TSC2: variants seen among roughly 807,000 people sequenced by gnomAD.
The protein encoded by TSC2 is tuberin.
TSC2 carries 29 observed loss-of-function variants against 202.2 expected under a neutral mutation model. The observed-to-expected ratio is 0.14, with a 90% CI of 0.11 to 0.20. The LOEUF (loss-of-function observed/expected upper bound fraction) is 0.20, where lower values mean the gene tolerates loss of function less well. Among genes scored for constraint, TSC2 ranks in the 10% least tolerant of loss-of-function variants. The pLI is 1.00. For missense variants in TSC2, 2,429 were observed against 2,420.0 expected (o/e 1.00, Z -0.08); for synonymous variants, 1,349 against 1,044.0 (o/e 1.29, Z -5.63).
intron 38 of TSC2, 30 bp downstream of exon 38, chr16:2,086,901 C>CCCCA (rs1567125136): frequency 6.4e-7 from 1 of 1,559,034 alleles, no homozygotes; most frequent in South Asian, 1.2e-5. Flanking sequence ...TGAGGCTGGG[C>CCCCA]CCCAGGCAGG....
intron 30 of TSC2, 175 bp from the exon 31 acceptor site, chr16:2,081,420 G>C: frequency 1.2e-6 from 1 of 807,776 alleles, no homozygotes; most frequent in Non-Finnish European, 2.1e-6. Flanking sequence ...GGGGCTGAGC[G>C]GGGCAGCAGG....
At chr16:2,061,471 C>A in intron 11 of TSC2, 1 of 354,068 alleles carries the variant, frequency 2.8e-6, no homozygotes, top group East Asian at 7.0e-5. Context: ...GAGGCTGGAC[C>A]TGGGAGAGGC....
At chr16:2,078,813 C>T (rs371356849) in intron 26 of TSC2, 8 of 625,932 alleles carry the variant, frequency 1.3e-5, no homozygotes, top group African/African-American at 1.1e-4. Context: ...CTGCTCCGAC[C>T]AGTAGGCCTG....
chr16:2,048,272 G>T, intron 1 of TSC2: 1 of 1,216,826 alleles, frequency 8.2e-7, no homozygotes, highest in Non-Finnish European at 1.2e-6. Flanking sequence ...TGCTTCACAT[G>T]GGTAGAGGAG....
At chr16:2,061,695 C>A in intron 11 of TSC2, 176 bp from the exon 12 acceptor site, 1 of 1,063,536 alleles carries the variant, frequency 9.4e-7, no homozygotes, top group Non-Finnish European at 1.4e-6. Flanking sequence ...GGGGGTGTCT[C>A]AACCCATGAG....
chr16:2,054,587 A>C (rs1199201975), intron 5 of TSC2, 147 bp downstream of exon 5: 2 of 1,252,440 alleles, frequency 1.6e-6, no homozygotes, highest in Non-Finnish European at 2.3e-6. Context: ...ACCTGGGCTC[A>C]CCTGCGTGGC....
chr16:2,077,858 C>T (rs1045629615), intron 26 of TSC2, 132 bp downstream of exon 26: 41 of 1,486,044 alleles, frequency 2.8e-5, no homozygotes, highest in African/African-American at 4.2e-5. Flanking sequence ...CAGGGGGAGC[C>T]GGTGACGAGG....
Position 2,080,775 on chromosome 16 carries a change from C to T in TSC2, c.3610+398C>T, listed in dbSNP as rs144667536. The stretch of plus-strand genomic sequence containing the variant: ...CTGGGATTACAGGCGTGAGCCACCG[C>T]GCCCAGCCATTTGGGGGTAACTTGT... On this transcript the variant is annotated intron_variant, in intron 30 of 41. Coordinates refer to ENST00000219476, the MANE Select transcript of TSC2 (RefSeq NM_000548.5). The T allele has an allele frequency of 6.7e-3, 1,527 of 227,550 alleles. 35 individuals carry two copies. Among genetic ancestry groups the T allele is most frequent in the East Asian group, 0.016 (149 of 9,158 alleles). The allele number at this position is 227,550 out of a possible 1,614,324, so 14.1% of individuals were successfully genotyped here.
chr16:2,071,228 C>T (rs1025395680), intron 17 of TSC2, among the ~76,000 whole-genome samples: 3 of 152,182 alleles, frequency 2.0e-5, no homozygotes, highest in Non-Finnish European at 2.9e-5. Flanking sequence ...GCCAGAGGAG[C>T]GAGGCGCCCA....
In TSC2 at chr16:2,072,484, C is replaced by T. The variant is rs577759646; in HGVS notation, c.2220+121C>T. ...GCTCGGGCTCCATTTCCCTCAAACT[C>T]AGCTGCACTCTGGAGCGCAGATTGT... On this transcript the variant is annotated intron_variant, in intron 20 of 41. Coordinates refer to ENST00000219476, the MANE Select transcript of TSC2 (RefSeq NM_000548.5). 1.4e-4 allele frequency: 210 copies of T among 1,463,596 alleles called. No individual in the cohort carries two copies. In the African/African-American group the frequency reaches 2.6e-3, roughly 18 times the overall value. The allele number at this position is 1,463,596 out of a possible 1,614,324, so 90.7% of individuals were successfully genotyped here.
At position 2,070,670 on chromosome 16, in the gene TSC2, G is replaced by T; in HGVS notation, c.1839+92G>T. The T allele has an allele frequency of 1.1e-5, 18 of 1,585,700 alleles. No individual in the cohort carries two copies. In the South Asian group the frequency reaches 1.8e-4, roughly 16 times the overall value. Reference sequence around the variant, plus strand: ...GTGGTTCCTGGAAGCTGCAGAGACGGCCCCAGGATGGGGCCTCAGCTGACC... The same window carrying T: ...GTGGTTCCTGGAAGCTGCAGAGACGTCCCCAGGATGGGGCCTCAGCTGACC... On this transcript the variant is annotated intron_variant, in intron 17 of 41. Coordinates refer to ENST00000219476, the MANE Select transcript of TSC2 (RefSeq NM_000548.5).
At chr16:2,052,256 TTGTCTG>T (rs2085226567) in intron 3 of TSC2, among the ~76,000 whole-genome samples, 1 of 118,030 alleles carries the variant, frequency 8.5e-6, no homozygotes. Context: ...AGAGTGCCAG[TTGTCTG>T]AATTGGTTGG....
chr16:2,086,138 G>A (rs1000386933), intron 36 of TSC2, 55 bp from the exon 37 acceptor site: 15 of 1,605,534 alleles, frequency 9.3e-6, no homozygotes, highest in East Asian at 2.2e-5. Context: ...CACCCTCTGC[G>A]GGGCAGGGCC....
At chr16:2,077,372 T>C in intron 25 of TSC2, 2 of 640,004 alleles carry the variant, frequency 3.1e-6, no homozygotes, top group Non-Finnish European at 5.6e-6. Context: ...AAGCCTTACT[T>C]GTTCTCAGTC....
chr16:2,067,284 C>T (rs534575993), intron 16 of TSC2, among the ~76,000 whole-genome samples: 1 of 152,094 alleles, frequency 6.6e-6, no homozygotes, highest in South Asian at 2.1e-4. Flanking sequence ...TCGGAGGCCT[C>T]CCAAGTAGCT....
chr16:2,072,395 G>C (rs879120048), intron 20 of TSC2, 32 bp downstream of exon 20: 1 of 1,612,654 alleles, frequency 6.2e-7, no homozygotes, highest in Non-Finnish European at 8.5e-7. Flanking sequence ...TGGGGTGGGG[G>C]ACCCAGTAGG....
intron 5 of TSC2, 54 bp downstream of exon 5, chr16:2,054,494 C>A (rs2085524388): frequency 7.4e-6 from 12 of 1,611,818 alleles, no homozygotes; most frequent in Non-Finnish European, 8.5e-7. Context: ...CAAGTGTAAC[C>A]TGGATGGGAA....
Position 2,074,298 on chromosome 16 carries a change from C to T in TSC2, c.2454C>T (p.Ile818=), listed in dbSNP as rs786201599. 2.5e-6 allele frequency: 4 copies of T among 1,613,106 alleles called. No homozygotes were observed. The highest frequency in any genetic ancestry group is 3.4e-6 in the Non-Finnish European group (4 of 1,180,050). ...LSICSVEMPD[I]IIKALPVLVV... ...TCTGCAGCGTGGAGATGCCTGACAT[C>T]ATCATCAAGGCGCTGCCTGTTCTGG... Residue 818 remains isoleucine (I), a synonymous_variant, in exon 22 of 42, where the codon ATC becomes ATT. Coordinates refer to ENST00000219476, the MANE Select transcript of TSC2 (RefSeq NM_000548.5).
At chr16:2,075,234 AGAGAG>A (rs1434443330) in intron 22 of TSC2, 2 of 144,368 alleles carry the variant, frequency 1.4e-5, no homozygotes, top group African/African-American at 5.6e-5. Context: ...AAAAAAAAAA[AGAGAG>A]AAGTGAGGCC....
Sources: allele counts gnomAD v4.1 joint callset (sites outside exome capture counted in the v4.1 genomes callset), GRCh38; gene constraint gnomAD v4.1.1; transcripts MANE v1.5; gene names NCBI Gene and HGNC (gene_info 2026-07-23, HGNC 2026-07-21).